Variants in ADAMTS9 observed in about 807,000 individuals in gnomAD.
ADAMTS9 encodes the protein ADAM metallopeptidase with thrombospondin type 1 motif 9, also known as A disintegrin and metalloproteinase with thrombospondin motifs 9.
In ADAMTS9, 107 loss-of-function variants were observed where a neutral mutation model predicts 257.1. That is an observed-to-expected ratio of 0.42 (90% confidence interval 0.36 to 0.49). The LOEUF is 0.49. Ranked by LOEUF, ADAMTS9 falls within the 20% of genes least tolerant of loss-of-function variation. The pLI, the probability that ADAMTS9 is intolerant of heterozygous loss-of-function variation, is 0.03. For synonymous variants in ADAMTS9, 982 were observed against 880.9 expected (o/e 1.11, Z -2.03); for missense variants, 2,353 against 2,469.1 (o/e 0.95, Z 1.00).
intron 27 of ADAMTS9, 109 bp downstream of exon 27, chr3:64,596,721 G>A (rs2084370828): frequency 7.4e-7 from 1 of 1,353,862 alleles, no homozygotes; most frequent in Non-Finnish European, 1.0e-6. Flanking sequence ...CCCCACCCCA[G>A]AAGCTTCTAC....
At chr3:64,674,283 A>G (rs193173054) in intron 3 of ADAMTS9, among the ~76,000 whole-genome samples, 1 of 152,308 alleles carries the variant, frequency 6.6e-6, no homozygotes, top group East Asian at 1.9e-4. Context: ...AGAGAAAAAA[A>G]TGTATAAACA....
chr3:64,545,405 A>T (rs1003437698), intron 32 of ADAMTS9, among the ~76,000 whole-genome samples: 2 of 152,234 alleles, frequency 1.3e-5, no homozygotes, highest in African/African-American at 4.8e-5. Flanking sequence ...TGGCACATAT[A>T]CACCATGGAG....
chr3:64,555,734 T>C (rs1417894772), intron 30 of ADAMTS9, among the ~76,000 whole-genome samples: 2 of 152,118 alleles, frequency 1.3e-5, no homozygotes, highest in Non-Finnish European at 2.9e-5. Flanking sequence ...AGGACATCAG[T>C]TCACCAGGCA....
chr3:64,656,386 A>G (rs1343764745), intron 4 of ADAMTS9, among the ~76,000 whole-genome samples: 2 of 152,160 alleles, frequency 1.3e-5, no homozygotes, highest in Non-Finnish European at 2.9e-5. Flanking sequence ...AACTGCATAC[A>G]CACATGCATT....
intron 28 of ADAMTS9, among the ~76,000 whole-genome samples, chr3:64,581,338 G>A (rs186670975): frequency 6.6e-6 from 1 of 151,880 alleles, no homozygotes; most frequent in East Asian, 1.9e-4. Flanking sequence ...TTGTTTAGGG[G>A]CAATTTTTCT....
At chr3:64,629,880 ACTGT>A (rs1576136815) in intron 16 of ADAMTS9, among the ~76,000 whole-genome samples, 2 of 152,238 alleles carry the variant, frequency 1.3e-5, no homozygotes, top group Non-Finnish European at 1.5e-5. Context: ...CTGAAGGCTC[ACTGT>A]CTATCTATGC....
At chr3:64,544,862 C>T (rs1172931128) in intron 32 of ADAMTS9, among the ~76,000 whole-genome samples, 3 of 152,042 alleles carry the variant, frequency 2.0e-5, no homozygotes, top group East Asian at 1.9e-4. Flanking sequence ...TACAATCTAC[C>T]CATCTGACAA....
intron 19 of ADAMTS9, among the ~76,000 whole-genome samples, chr3:64,617,411 C>G (rs373115947): frequency 2.6e-5 from 4 of 152,264 alleles, no homozygotes; most frequent in Admixed American, 6.5e-5. Flanking sequence ...TCCCCAGAAT[C>G]TGAGCAGAGA....
chr3:64,633,992 A>C (rs1700434805), intron 12 of ADAMTS9, 113 bp from the exon 13 acceptor site: 1 of 1,004,014 alleles, frequency 1.0e-6, no homozygotes, highest in Non-Finnish European at 1.5e-6. Flanking sequence ...CTAGGGTGGC[A>C]AATGACAGAG....
At chr3:64,611,097 A>AT (rs1477034039) in intron 22 of ADAMTS9, among the ~76,000 whole-genome samples, 8 of 147,492 alleles carry the variant, frequency 5.4e-5, no homozygotes, top group African/African-American at 2.1e-4. Context: ...AAAAAAAAAA[A>AT]AAAGTTAAAC....
chr3:64,569,955 T>C (rs1360163915), intron 28 of ADAMTS9, among the ~76,000 whole-genome samples: 1 of 152,184 alleles, frequency 6.6e-6, no homozygotes, highest in Non-Finnish European at 1.5e-5. Flanking sequence ...TATAAAGACT[T>C]TGCGATATAA....
Position 64,601,961 on chromosome 3 carries a change from T to C in ADAMTS9, c.4000A>G (p.Thr1334Ala). The C allele has an allele frequency of 6.2e-7, 1 of 1,609,220 alleles. No individual in the cohort carries two copies. The highest frequency in any genetic ancestry group is 8.5e-7 in the Non-Finnish European group (1 of 1,177,178). The change falls in exon 26 of 40, where the codon ACT (threonine) becomes GCT (alanine). Residue 1334 changes from threonine (T) to alanine (A), a missense_variant. Physicochemically the swap from Thr to Ala is moderately conservative, Grantham distance 58. This residue lies in a region of ADAMTS9 where 1,402 missense variants were observed against 1,441.4 expected (regional missense o/e 0.97). Coordinates refer to ENST00000498707, the MANE Select transcript of ADAMTS9 (RefSeq NM_182920.2). The stretch of plus-strand genomic sequence containing the variant: ...ATACTCACTGCTCCCCAGGGGCCAG[T>C]TCTCCACTGGTTTCCACCGAGCACA... ...THVLGGNQWR[T>A]GPWGACSSTC... is the part of the protein sequence containing the mutation.
In ADAMTS9 at chr3:64,600,775, G is replaced by C. The variant is rs78496545; in HGVS notation, c.4017+1169C>G. On this transcript the variant is annotated intron_variant, in intron 26 of 39. Transcript: ENST00000498707. ...AGCTGTTCTGCACACAACCAGCAAA[G>C]ACAGTGGGTGCAAATGCTCAGTGGC... Among the ~76,000 whole-genome samples, 190 of 152,304 alleles carry C rather than the reference G, an allele frequency of 1.2e-3. 5 individuals carry two copies. The East Asian group carries it at 0.035, about 28-fold the overall frequency.
Position 64,539,204 on chromosome 3 carries a change from T to C in ADAMTS9, c.5612A>G (p.Gln1871Arg). Reference sequence around the variant, plus strand: ...AGGGGGAAGGCACCAAGGACATACCTGTGGGCACTTGGCAGCGCTGTAGCA... The same window carrying C: ...AGGGGGAAGGCACCAAGGACATACCCGTGGGCACTTGGCAGCGCTGTAGCA... ...GDCYSAAKCP[Q>R]GRFSINLYGT... The change falls in exon 37 of 40, where the codon CAG becomes CGG. Residue 1871 changes from glutamine (Q) to arginine (R), a missense_variant and splice_region_variant. Around this residue, in one of 3 missense-constraint regions of ADAMTS9, gnomAD observed 1,402 missense variants for 1,441.4 expected, o/e 0.97. Transcript: ENST00000498707. 2 of 1,613,008 alleles carry C rather than the reference T, an allele frequency of 1.2e-6. No homozygotes were observed. The highest frequency in any genetic ancestry group is 1.7e-6 in the Non-Finnish European group (2 of 1,178,984).
chr3:64,557,934 C>T (rs1287228423), intron 30 of ADAMTS9, among the ~76,000 whole-genome samples: 4 of 152,152 alleles, frequency 2.6e-5, no homozygotes, highest in Middle Eastern at 3.2e-3. Context: ...ATCAAGAAGG[C>T]CCCTTTCCCC....
chr3:64,597,975 T>C (rs1425448491), intron 26 of ADAMTS9, among the ~76,000 whole-genome samples: 1 of 152,198 alleles, frequency 6.6e-6, no homozygotes, highest in East Asian at 1.9e-4. Context: ...TTTTGCTTTC[T>C]AGCTAATCGT....
intron 29 of ADAMTS9, among the ~76,000 whole-genome samples, chr3:64,567,466 G>T (rs1559767904): frequency 6.6e-6 from 1 of 152,190 alleles, no homozygotes; most frequent in African/African-American, 2.4e-5. Flanking sequence ...TTACTTTTAA[G>T]TTAGCACCTT....
chr3:64,608,257 C>CCAAAAAAAAAAAAAAAAAA (rs2084596409), intron 22 of ADAMTS9, among the ~76,000 whole-genome samples: 1 of 71,160 alleles, frequency 1.4e-5, no homozygotes, highest in Non-Finnish European at 2.6e-5. Flanking sequence ...CAAACTAAAA[C>CCAAAAAAAAAAAAAAAAAA]CAAAAAAAAA....
intron 20 of ADAMTS9, 43 bp downstream of exon 20, chr3:64,615,917 C>T: frequency 7.5e-6 from 12 of 1,608,962 alleles, no homozygotes; most frequent in Non-Finnish European, 9.3e-6. Context: ...ATCAACTAAT[C>T]AGACAGCATC....
Sources: allele counts gnomAD v4.1 joint callset (sites outside exome capture counted in the v4.1 genomes callset), GRCh38; gene constraint gnomAD v4.1.1; regional missense constraint gnomAD v4.1.1; transcripts MANE v1.5; gene names NCBI Gene and HGNC (gene_info 2026-07-23, HGNC 2026-07-21).